SH3RF3: variants seen among roughly 807,000 people sequenced by gnomAD.
The protein encoded by SH3RF3 is E3 ubiquitin-protein ligase SH3RF3.
SH3RF3 carries 29 observed loss-of-function variants against 66.3 expected under a neutral mutation model. The observed-to-expected ratio is 0.44, with a 90% CI of 0.33 to 0.60. The LOEUF (loss-of-function observed/expected upper bound fraction) is 0.60. SH3RF3 is among the 20% of genes least tolerant of loss of function. The pLI is 0.04. For missense variants in SH3RF3, 1,194 were observed against 1,190.9 expected, an observed-to-expected ratio of 1.00 and a Z score of -0.04; for synonymous variants, 583 against 532.0, an observed-to-expected ratio of 1.10 and a Z score of -1.32.
chr2:109,453,280 C>T (rs537638856), intron 8 of SH3RF3, among the ~76,000 whole-genome samples: 2 of 152,350 alleles, frequency 1.3e-5, no homozygotes, highest in Non-Finnish European at 2.9e-5. Flanking sequence ...GCAGGGGCTG[C>T]CCTGTGGCCA....
Position 109,246,227 on chromosome 2 carries a change from G to A in SH3RF3, c.574-101447G>A, listed in dbSNP as rs116745993. 8.7e-3 allele frequency among the ~76,000 whole-genome samples: 1,322 copies of A among 152,286 alleles called. 22 individuals are homozygous for A. Among genetic ancestry groups the A allele is most frequent in the African/African-American group, 0.03 (1,254 of 41,558 alleles). The stretch of plus-strand genomic sequence containing the variant: ...ACCGTAAACGCAGTGGTTTAAAAGC[G>A]GCAGCAATTTATTTCCCACAGTTCT... On this transcript the variant is annotated intron_variant, in intron 1 of 9. Transcript: ENST00000309415.
At position 109,481,088 on chromosome 2, in the gene SH3RF3, C is replaced by T. The variant is rs115272129; in HGVS notation, c.2149-9517C>T. Reference sequence around the variant, plus strand: ...GAGGGCATTTCTCACCTGCTGCTGCCAAAAAGAATCTGACAGCTGTTCAGA... The same window carrying T: ...GAGGGCATTTCTCACCTGCTGCTGCTAAAAAGAATCTGACAGCTGTTCAGA... On this transcript the variant is annotated intron_variant, in intron 8 of 9. Coordinates refer to ENST00000309415, the MANE Select transcript of SH3RF3 (RefSeq NM_001099289.3). 6.5e-3 allele frequency among the ~76,000 whole-genome samples: 985 copies of T among 152,232 alleles called. 11 individuals carry two copies. Among genetic ancestry groups the T allele is most frequent in the African/African-American group, 0.022 (918 of 41,516 alleles).
intron 1 of SH3RF3, among the ~76,000 whole-genome samples, chr2:109,157,148 A>T (rs890835419): frequency 1.3e-5 from 2 of 152,096 alleles, no homozygotes; most frequent in African/African-American, 4.8e-5. Context: ...CTTGAATTTG[A>T]TGTCCCAGAG....
chr2:109,174,989 C>G (rs1254821786), intron 1 of SH3RF3, among the ~76,000 whole-genome samples: 1 of 152,134 alleles, frequency 6.6e-6, no homozygotes, highest in African/African-American at 2.4e-5. Context: ...TACCTTTTTC[C>G]AAAACAATAT....
At chr2:109,392,873 T>C (rs1288829033) in intron 3 of SH3RF3, among the ~76,000 whole-genome samples, 1 of 152,138 alleles carries the variant, frequency 6.6e-6, no homozygotes, top group Non-Finnish European at 1.5e-5. Context: ...GAAGCCTTTC[T>C]CCTTAAAGGC....
At chr2:109,332,872 C>A (rs1428496426) in intron 1 of SH3RF3, among the ~76,000 whole-genome samples, 1 of 152,208 alleles carries the variant, frequency 6.6e-6, no homozygotes, top group African/African-American at 2.4e-5. Flanking sequence ...GTGTTTCTTG[C>A]CTTATAGAAT....
At chr2:109,163,691 G>C (rs113502146) in intron 1 of SH3RF3, among the ~76,000 whole-genome samples, 1 of 152,122 alleles carries the variant, frequency 6.6e-6, no homozygotes, top group Non-Finnish European at 1.5e-5. Context: ...GAGCCACCGC[G>C]CCTGGCCGCA....
At chr2:109,209,947 CTG>C (rs1678930416) in intron 1 of SH3RF3, among the ~76,000 whole-genome samples, 1 of 152,230 alleles carries the variant, frequency 6.6e-6, no homozygotes, top group African/African-American at 2.4e-5. Flanking sequence ...CCTTTCCAAA[CTG>C]TGTCCCCATT....
At chr2:109,357,039 A>T (rs1682959467) in intron 2 of SH3RF3, among the ~76,000 whole-genome samples, 2 of 152,048 alleles carry the variant, frequency 1.3e-5, no homozygotes, top group Non-Finnish European at 1.5e-5. Context: ...TCCATACTGG[A>T]TAGACTGTTA....
chr2:109,312,852 T>G (rs1302309367), intron 1 of SH3RF3, among the ~76,000 whole-genome samples: 1 of 152,238 alleles, frequency 6.6e-6, no homozygotes, highest in Non-Finnish European at 1.5e-5. Context: ...AACATTTGCT[T>G]GAACACCTGT....
chr2:109,431,757 G>T (rs1218734682), intron 5 of SH3RF3, among the ~76,000 whole-genome samples: 2 of 152,176 alleles, frequency 1.3e-5, no homozygotes, highest in African/African-American at 2.4e-5. Flanking sequence ...TGTGGTCCCA[G>T]CTGCTTAGGA....
At chr2:109,425,590 A>T (rs1199613421) in intron 5 of SH3RF3, among the ~76,000 whole-genome samples, 1 of 152,108 alleles carries the variant, frequency 6.6e-6, no homozygotes, top group African/African-American at 2.4e-5. Context: ...TGCTAAATCT[A>T]CTCTGCCTGT....
intron 1 of SH3RF3, among the ~76,000 whole-genome samples, chr2:109,132,255 A>G: frequency 6.6e-6 from 1 of 152,126 alleles, no homozygotes; most frequent in Non-Finnish European, 1.5e-5. Flanking sequence ...GGGTATGTAT[A>G]CTTTTTAGGT....
intron 1 of SH3RF3, among the ~76,000 whole-genome samples, chr2:109,215,413 G>GC (rs1679083048): frequency 1.4e-5 from 2 of 147,712 alleles, no homozygotes; most frequent in South Asian, 4.5e-4. Flanking sequence ...GAACTCAGAT[G>GC]CTTTGTAAAA....
intron 5 of SH3RF3, among the ~76,000 whole-genome samples, chr2:109,424,076 G>C (rs1167312424): frequency 6.6e-6 from 1 of 152,184 alleles, no homozygotes; most frequent in South Asian, 2.1e-4. Flanking sequence ...CACCGGTACC[G>C]GCATTGTCTA....
chr2:109,343,491 T>C (rs1461902471), intron 1 of SH3RF3, among the ~76,000 whole-genome samples: 1 of 152,150 alleles, frequency 6.6e-6, no homozygotes, highest in Non-Finnish European at 1.5e-5. Context: ...TCTCTTGCCT[T>C]CTCTCTCCCA....
At chr2:109,131,071 C>T (rs1676682282) in intron 1 of SH3RF3, among the ~76,000 whole-genome samples, 1 of 152,216 alleles carries the variant, frequency 6.6e-6, no homozygotes, top group African/African-American at 2.4e-5. Flanking sequence ...CTTTATTCCT[C>T]TACTTTTGAC....
At chr2:109,409,667 T>C (rs909436383) in intron 4 of SH3RF3, among the ~76,000 whole-genome samples, 9 of 152,068 alleles carry the variant, frequency 5.9e-5, no homozygotes, top group African/African-American at 2.2e-4. Context: ...ACAGACTCCC[T>C]CACTGGGGCT....
intron 1 of SH3RF3, among the ~76,000 whole-genome samples, chr2:109,199,927 C>T (rs546844112): frequency 1.9e-5 from 2 of 106,314 alleles, no homozygotes; most frequent in Non-Finnish European, 2.1e-5. Flanking sequence ...CTATAGCACC[C>T]GCTGTACAGC....
Sources: allele counts gnomAD v4.1 joint callset (sites outside exome capture counted in the v4.1 genomes callset), GRCh38; gene constraint gnomAD v4.1.1; transcripts MANE v1.5; gene names NCBI Gene and HGNC (gene_info 2026-07-23, HGNC 2026-07-21).